PRKN: variants seen among roughly 807,000 people sequenced by gnomAD.
PRKN encodes the protein parkin RBR E3 ubiquitin protein ligase, also known as E3 ubiquitin-protein ligase parkin.
Under a neutral mutation model 59.5 loss-of-function variants are expected in PRKN, and 56 were observed. The observed-to-expected ratio is 0.94, with a 90% CI of 0.76 to 1.18. PRKN has a LOEUF of 1.18. Among genes scored for constraint, PRKN ranks in the 50% most tolerant of loss-of-function variants. The pLI is 0.00. For missense variants in PRKN, 657 were observed against 596.4 expected, an observed-to-expected ratio of 1.10 and a Z score of -1.06; for synonymous variants, 250 against 222.1, an observed-to-expected ratio of 1.13 and a Z score of -1.12.
intron 2 of PRKN, 51 bp downstream of exon 2, chr6:162,443,259 T>G: frequency 6.3e-7 from 1 of 1,593,718 alleles, no homozygotes; most frequent in South Asian, 1.1e-5. Flanking sequence ...GCAGGCGGCA[T>G]GAGCAATGGA....
intron 7 of PRKN, among the ~76,000 whole-genome samples, chr6:161,776,262 C>T (rs1789920292): frequency 6.6e-6 from 1 of 152,204 alleles, no homozygotes; most frequent in Admixed American, 6.5e-5. Context: ...GAGGGTGCTT[C>T]ATCATTTCAA....
chr6:162,692,573 C>A lies in PRKN; in HGVS notation c.7+35089G>T, dbSNP rs369235599. Among the ~76,000 whole-genome samples, 187 of 151,208 alleles carry A rather than the reference C, an allele frequency of 1.2e-3. 1 individual carries two copies. Among genetic ancestry groups the A allele is most frequent in the African/African-American group, 4.1e-3 (170 of 41,274 alleles). ...GTGTTCCACACCTACAAGACAGACC[C>A]CCCCCAACAAAATCCTTGACCACCA... On this transcript the variant is annotated intron_variant, in intron 1 of 11. Transcript: ENST00000366898.
chr6:162,455,269 C>T (rs981866934), intron 1 of PRKN, among the ~76,000 whole-genome samples: 1 of 151,956 alleles, frequency 6.6e-6, no homozygotes, highest in Admixed American at 6.6e-5. Flanking sequence ...ATCCACATAG[C>T]CAGCCATCCA....
At chr6:161,873,454 CGG>C (rs1025437661) in intron 6 of PRKN, among the ~76,000 whole-genome samples, 1 of 151,754 alleles carries the variant, frequency 6.6e-6, no homozygotes, top group Non-Finnish European at 1.5e-5. Flanking sequence ...CTTTTCCTGA[CGG>C]GAACTAAATA....
chr6:161,492,578 C>T (rs1328143192), intron 9 of PRKN, among the ~76,000 whole-genome samples: 1 of 152,130 alleles, frequency 6.6e-6, no homozygotes, highest in East Asian at 1.9e-4. Context: ...GTTCTAGACA[C>T]CACATATTAG....
intron 2 of PRKN, among the ~76,000 whole-genome samples, chr6:162,322,094 A>G (rs1783047806): frequency 8.7e-6 from 1 of 115,098 alleles, no homozygotes; most frequent in African/African-American, 2.9e-5. Flanking sequence ...AAATTTCTAT[A>G]GAATCTAAAA....
intron 4 of PRKN, among the ~76,000 whole-genome samples, chr6:162,149,767 T>C (rs549645885): frequency 2.6e-5 from 4 of 152,140 alleles, no homozygotes; most frequent in Admixed American, 2.0e-4. Context: ...AGTGCCATGG[T>C]GAGGGACTGC....
intron 5 of PRKN, among the ~76,000 whole-genome samples, chr6:162,009,480 T>A (rs113717855): frequency 0.012 from 1,828 of 151,972 alleles, 18 homozygotes; most frequent in Non-Finnish European, 0.017. Flanking sequence ...GAATCACTAT[T>A]CTTCAATAAC....
At chr6:162,462,772 GAAA>G in intron 1 of PRKN, among the ~76,000 whole-genome samples, 1 of 152,126 alleles carries the variant, frequency 6.6e-6, no homozygotes, top group Non-Finnish European at 1.5e-5. Flanking sequence ...GGAGTTGAAT[GAAA>G]ACCTTACTTA....
Position 161,835,830 on chromosome 6 carries a change from C to T in PRKN, c.735-49922G>A, listed in dbSNP as rs185083975. On this transcript the variant is annotated intron_variant, in intron 6 of 11. Coordinates refer to ENST00000366898, the MANE Select transcript of PRKN (RefSeq NM_004562.3). ...TCTCTAAGCCTGGAGGGTTTGCAAA[C>T]ACGCTAACTGGTGGTGGAAGTGTTC... Among the ~76,000 whole-genome samples, 96 of 152,332 alleles carry T rather than the reference C, an allele frequency of 6.3e-4. 1 individual carries two copies. Among genetic ancestry groups the T allele is most frequent in the African/African-American group, 2.2e-3 (92 of 41,574 alleles).
At chr6:161,623,316 T>TA (rs1244931355) in intron 7 of PRKN, among the ~76,000 whole-genome samples, 1 of 152,124 alleles carries the variant, frequency 6.6e-6, no homozygotes, top group Non-Finnish European at 1.5e-5. Context: ...TGTTTTCCCT[T>TA]AAAAAAGATG....
chr6:162,619,815 C>G (rs886927053), intron 1 of PRKN, among the ~76,000 whole-genome samples: 2 of 152,092 alleles, frequency 1.3e-5, no homozygotes, highest in African/African-American at 2.4e-5. Context: ...GCTTTTTTCA[C>G]TAAGCAATGT....
At chr6:161,880,372 A>G (rs1277258114) in intron 6 of PRKN, among the ~76,000 whole-genome samples, 1 of 152,190 alleles carries the variant, frequency 6.6e-6, no homozygotes, top group Non-Finnish European at 1.5e-5. Context: ...GTAAATGTAA[A>G]GCTCTATGGC....
At chr6:162,421,671 T>C (rs1788973715) in intron 2 of PRKN, among the ~76,000 whole-genome samples, 1 of 152,018 alleles carries the variant, frequency 6.6e-6, no homozygotes, top group Non-Finnish European at 1.5e-5. Context: ...ATAGTATAAA[T>C]AAACAGGAGA....
chr6:162,720,495 C>G (rs1172063717), intron 1 of PRKN, among the ~76,000 whole-genome samples: 1 of 142,798 alleles, frequency 7.0e-6, no homozygotes, highest in Non-Finnish European at 1.5e-5. Context: ...CCAGGCCGGA[C>G]TGCGGACTGC....
At chr6:162,539,040 T>A (rs774031360) in intron 1 of PRKN, among the ~76,000 whole-genome samples, 7 of 152,148 alleles carry the variant, frequency 4.6e-5, no homozygotes, top group Non-Finnish European at 7.4e-5. Context: ...TGAGGACACA[T>A]GAAGAAGGAT....
chr6:162,079,300 T>G (rs1257339034), intron 4 of PRKN, among the ~76,000 whole-genome samples: 3 of 152,138 alleles, frequency 2.0e-5, no homozygotes, highest in Non-Finnish European at 4.4e-5. Flanking sequence ...ACAGACAGAA[T>G]AGGCAGATAC....
chr6:162,650,803 T>C (rs1778399633), intron 1 of PRKN, among the ~76,000 whole-genome samples: 1 of 152,124 alleles, frequency 6.6e-6, no homozygotes, highest in African/African-American at 2.4e-5. Flanking sequence ...AACAAAGATA[T>C]AAAATTAAGG....
intron 2 of PRKN, among the ~76,000 whole-genome samples, chr6:162,423,558 C>A (rs901572416): frequency 1.3e-5 from 2 of 152,116 alleles, no homozygotes; most frequent in African/African-American, 4.8e-5. Flanking sequence ...GTAGGAGAAA[C>A]CTCATTTGAG....
Sources: gnomAD v4.1 joint callset for allele counts (sites outside exome capture counted in the v4.1 genomes callset) on GRCh38, gnomAD v4.1.1 for gene constraint, MANE v1.5 for transcripts, NCBI Gene and HGNC (gene_info 2026-07-23, HGNC 2026-07-21) for gene names.